Variants in PCDHA6 observed in about 807,000 individuals in gnomAD.
The protein encoded by PCDHA6 is protocadherin alpha-6.
Under a neutral mutation model 60.3 loss-of-function variants are expected in PCDHA6, and 55 were observed. The ratio of observed to expected loss-of-function variants is 0.91; its 90% CI spans 0.73 to 1.14. The LOEUF (loss-of-function observed/expected upper bound fraction) is 1.14, where lower values mean the gene tolerates loss of function less well. Among genes scored for constraint, PCDHA6 ranks in the 50% most tolerant of loss-of-function variants. The pLI, the probability that PCDHA6 is intolerant of heterozygous loss-of-function variation, is 0.00. For synonymous variants in PCDHA6, 652 were observed against 557.9 expected (o/e 1.17, Z -2.38); for missense variants, 1,327 against 1,256.5 (o/e 1.06, Z -0.85).
chr5:140,837,640 T>C (rs1438744422), intron 1 of PCDHA6, among the ~76,000 whole-genome samples: 1 of 151,670 alleles, frequency 6.6e-6, no homozygotes, highest in Non-Finnish European at 1.5e-5. Flanking sequence ...TTCCTTTCTT[T>C]CTTTCTTTCT....
chr5:140,928,539 T>G, intron 1 of PCDHA6: 1 of 1,614,222 alleles, frequency 6.2e-7, no homozygotes. Context: ...TAGATAGGAA[T>G]GACAATTATC....
intron 1 of PCDHA6, among the ~76,000 whole-genome samples, chr5:140,909,596 T>C (rs2074597089): frequency 6.6e-6 from 1 of 152,222 alleles, no homozygotes; most frequent in South Asian, 2.1e-4. Context: ...TGATTTACTA[T>C]TTTTCTAGGT....
intron 1 of PCDHA6, among the ~76,000 whole-genome samples, chr5:140,943,273 A>G (rs1451221832): frequency 1.3e-5 from 2 of 150,472 alleles, no homozygotes; most frequent in East Asian, 1.9e-4. Flanking sequence ...AAAAAAAAAA[A>G]AAAAGAAAGA....
intron 1 of PCDHA6, chr5:140,852,590 T>A (rs2042399836): frequency 1.1e-6 from 1 of 893,664 alleles, no homozygotes; most frequent in African/African-American, 1.8e-5. Context: ...TTATTTTTTT[T>A]TTTTGTCATT....
At chr5:140,870,436 G>A (rs782478068) in intron 1 of PCDHA6, 7 of 1,614,128 alleles carry the variant, frequency 4.3e-6, no homozygotes, top group Non-Finnish European at 5.9e-6. Context: ...CGTGGAGGTG[G>A]CCGACGTGAA....
intron 1 of PCDHA6, among the ~76,000 whole-genome samples, chr5:140,973,564 A>T (rs2096593487): frequency 6.6e-6 from 1 of 152,168 alleles, no homozygotes; most frequent in Admixed American, 6.5e-5. Context: ...CTCTTTCCTC[A>T]ATTTTTCTAC....
At chr5:140,863,336 T>A (rs782350790) in intron 1 of PCDHA6, 1 of 1,385,482 alleles carries the variant, frequency 7.2e-7, no homozygotes, top group Admixed American at 1.8e-5. Flanking sequence ...GTGCTCACGT[T>A]GCTGCTGTAC....
chr5:140,982,461 G>C lies in PCDHA6; in HGVS notation c.2454-14G>C, dbSNP rs765899879. Reference sequence around the variant, plus strand: ...TATGATCTAACCGTTATCTGGGTCTGTGTGTTTATTCAGCTCTGTGCACCT... The same window carrying C: ...TATGATCTAACCGTTATCTGGGTCTCTGTGTTTATTCAGCTCTGTGCACCT... On this transcript the variant is annotated splice_polypyrimidine_tract_variant and intron_variant, in intron 2 of 3. Coordinates refer to ENST00000529310, the MANE Select transcript of PCDHA6 (RefSeq NM_018909.4). 4.3e-6 allele frequency: 7 copies of C among 1,613,970 alleles called. No homozygotes were observed. The Admixed American group carries it at 6.7e-5, about 15-fold the overall frequency.
At chr5:140,980,858 A>T (rs2096908934) in intron 2 of PCDHA6, among the ~76,000 whole-genome samples, 2 of 152,162 alleles carry the variant, frequency 1.3e-5, no homozygotes, top group Admixed American at 1.3e-4. Flanking sequence ...TCTTTTTCGT[A>T]TGTGTGCTTG....
chr5:140,839,071 T>C lies in PCDHA6; in HGVS notation c.2394+8586T>C, dbSNP rs115806337. 2.0e-3 allele frequency among the ~76,000 whole-genome samples: 311 copies of C among 152,148 alleles called. 5 individuals are homozygous for C. Among genetic ancestry groups the C allele is most frequent in the African/African-American group, 7.1e-3 (293 of 41,488 alleles). On this transcript the variant is annotated intron_variant, in intron 1 of 3. Coordinates refer to ENST00000529310, the MANE Select transcript of PCDHA6 (RefSeq NM_018909.4). ...TGAATAAGGATAGAGGTATGCAAAG[T>C]CAAAAACCTGTCTGATAATCAATAG...
intron 1 of PCDHA6, chr5:140,875,266 A>G (rs1262893019): frequency 8.3e-7 from 1 of 1,202,212 alleles, no homozygotes. Flanking sequence ...ATGTCGCTCT[A>G]CACTCAGAAG....
rs2150157078 is a variant in PCDHA6, at chr5:140,828,580, C to T, written c.489C>T (p.Gly163=). 2 of 1,614,212 alleles carry T rather than the reference C, an allele frequency of 1.2e-6. No homozygotes were observed. The highest frequency in any genetic ancestry group is 1.3e-5 in the African/African-American group (1 of 75,056). Residue 163 remains glycine (G), a synonymous_variant, in exon 1 of 4, where the codon GGC becomes GGT. Coordinates refer to ENST00000529310, the MANE Select transcript of PCDHA6 (RefSeq NM_018909.4). ...PLEGASDADV[G]SNSILTYKLS... is the part of the protein sequence containing the mutation. ...AGGGCGCGTCCGATGCAGATGTTGGCTCAAATTCCATCTTAACCTATAAAC... is the reference window on the plus strand; with the variant it reads ...AGGGCGCGTCCGATGCAGATGTTGGTTCAAATTCCATCTTAACCTATAAAC...
intron 1 of PCDHA6, among the ~76,000 whole-genome samples, chr5:140,847,109 G>T (rs1267875417): frequency 6.7e-6 from 1 of 149,752 alleles, no homozygotes; most frequent in Admixed American, 6.7e-5. Context: ...CACACAGTCT[G>T]CAGAGAATGA....
At chr5:140,968,437 A>G (rs1267054987) in intron 1 of PCDHA6, 2 of 1,614,072 alleles carry the variant, frequency 1.2e-6, no homozygotes, top group Admixed American at 3.3e-5. Context: ...AGGGGAGCCC[A>G]CCACTGAGCA....
intron 1 of PCDHA6, among the ~76,000 whole-genome samples, chr5:140,973,856 C>G (rs1349378315): frequency 6.6e-6 from 1 of 152,166 alleles, no homozygotes; most frequent in Non-Finnish European, 1.5e-5. Context: ...CCAATTTTTG[C>G]TCTCAATGAG....
At position 140,850,679 on chromosome 5, in the gene PCDHA6, C is replaced by G. The variant is rs1439060369; in HGVS notation, c.2394+20194C>G. 22 of 1,598,382 alleles carry G rather than the reference C, an allele frequency of 1.4e-5. 2 individuals are homozygous for G. The highest frequency in any genetic ancestry group is 1.6e-5 in the Non-Finnish European group (19 of 1,167,880). The stretch of plus-strand genomic sequence containing the variant: ...TGCTGCGGTGCTCGGCGATGCCCAC[C>G]GAGGGCGAGTGCGCGCCTGGCAAGC... On this transcript the variant is annotated intron_variant, in intron 1 of 3. Coordinates refer to ENST00000529310, the MANE Select transcript of PCDHA6 (RefSeq NM_018909.4).
At chr5:140,947,362 C>T (rs1378703066) in intron 1 of PCDHA6, among the ~76,000 whole-genome samples, 2 of 151,632 alleles carry the variant, frequency 1.3e-5, no homozygotes, top group Admixed American at 6.6e-5. Context: ...TATTTCACTC[C>T]TTTGATCTAT....
intron 1 of PCDHA6, chr5:140,852,877 T>G: frequency 1.1e-6 from 1 of 942,140 alleles, no homozygotes; most frequent in Non-Finnish European, 1.3e-6. Flanking sequence ...TCAATAATCA[T>G]AAAACGTATT....
chr5:140,908,430 C>T (rs543426512), intron 1 of PCDHA6, among the ~76,000 whole-genome samples: 56 of 152,262 alleles, frequency 3.7e-4, no homozygotes, highest in Admixed American at 7.2e-4. Flanking sequence ...TGCTGCTGTG[C>T]GCACCCCACT....
Sources: gnomAD v4.1 joint callset for allele counts (sites outside exome capture counted in the v4.1 genomes callset) on GRCh38, gnomAD v4.1.1 for gene constraint, MANE v1.5 for transcripts, NCBI Gene and HGNC (gene_info 2026-07-23, HGNC 2026-07-21) for gene names.